The following MED24 variants were observed in gnomAD, a reference collection of about 807,000 sequenced individuals.
MED24 encodes the protein mediator of RNA polymerase II transcription subunit 24.
A neutral mutation model predicts 118.8 loss-of-function variants in MED24; 74 were observed. The observed-to-expected ratio is 0.62, with a 90% CI of 0.52 to 0.76. The LOEUF (loss-of-function observed/expected upper bound fraction) is 0.76. Ranked by LOEUF, MED24 falls within the 30% of genes least tolerant of loss-of-function variation. The pLI, the probability that MED24 is intolerant of heterozygous loss-of-function variation, is 0.00. For synonymous variants in MED24, 521 were observed against 523.9 expected, an observed-to-expected ratio of 0.99 and a Z score of 0.08; for missense variants, 1,041 against 1,278.9, an observed-to-expected ratio of 0.81 and a Z score of 2.84.
At chr17:40,027,971 A>G in intron 14 of MED24, 25 bp from the exon 15 acceptor site, 7 of 1,613,382 alleles carry the variant, frequency 4.3e-6, no homozygotes, top group South Asian at 1.1e-5. Context: ...GACAGGCTGC[A>G]TTGACCAGGG....
intron 3 of MED24, among the ~76,000 whole-genome samples, chr17:40,037,188 G>T (rs1984035753): frequency 6.7e-6 from 1 of 149,156 alleles, no homozygotes; most frequent in Non-Finnish European, 1.5e-5. Flanking sequence ...CAAAAGAAAA[G>T]AAAGGGAGGG....
intron 3 of MED24, among the ~76,000 whole-genome samples, chr17:40,046,675 G>A (rs1213302173): frequency 6.6e-6 from 1 of 151,120 alleles, no homozygotes; most frequent in Non-Finnish European, 1.5e-5. Context: ...GAACCCGGGA[G>A]GCGGAGCTTG....
rs748609741 is a variant in MED24, at chr17:40,023,087, G to A, written c.2250+44C>T. 6 of 1,578,738 alleles carry A rather than the reference G, an allele frequency of 3.8e-6. No homozygotes were observed. In the South Asian group the frequency reaches 4.7e-5, roughly 12 times the overall value. On this transcript the variant is annotated intron_variant, in intron 20 of 25. Transcript: ENST00000394128. ...GACCAGGCCAGGTGTGGGGAGCCAG[G>A]GGACAGGACCCATGTCGGCCCACAG...
intron 3 of MED24, among the ~76,000 whole-genome samples, chr17:40,050,868 G>A (rs1028913129): frequency 6.6e-6 from 1 of 152,208 alleles, no homozygotes; most frequent in South Asian, 2.1e-4. Flanking sequence ...TGGGCGTGGT[G>A]GCTCACGCCT....
intron 5 of MED24, 81 bp downstream of exon 5, chr17:40,035,641 G>T: frequency 6.7e-7 from 1 of 1,485,060 alleles, no homozygotes; most frequent in Non-Finnish European, 9.3e-7. Flanking sequence ...GTTGGTCTCG[G>T]TCTGTGTGCT....
chr17:40,023,421 G>A, intron 19 of MED24, 26 bp from the exon 20 acceptor site: 1 of 1,559,006 alleles, frequency 6.4e-7, no homozygotes, highest in Non-Finnish European at 8.7e-7. Context: ...GAGAACCTGA[G>A]GCTCAGGTGC....
chr17:40,033,134 G>T lies in MED24; in HGVS notation c.744C>A (p.Ile248=). 1 of 1,614,144 alleles carries T rather than the reference G, an allele frequency of 6.2e-7. No individual in the cohort carries two copies. The highest frequency in any genetic ancestry group is 8.5e-7 in the Non-Finnish European group (1 of 1,180,032). ...TCAGGTTCATGGTGCCCTCGAGCAG[G>T]ATCACGGCGTGGACAGTGGGGAAGC... ...KTGFPTVHAV[I]LLEGTMNLTG... is the part of the protein sequence containing the mutation. The change falls in exon 8 of 26, where the codon ATC becomes ATA. Residue 248 remains isoleucine (I), a synonymous_variant. Transcript: ENST00000394128. The surrounding 1 kb of genome is among the most constrained non-coding windows in gnomAD (Gnocchi z 5.2).
intron 19 of MED24, among the ~76,000 whole-genome samples, chr17:40,024,650 A>G (rs115112200): frequency 0.015 from 2,258 of 152,354 alleles, 66 homozygotes; most frequent in African/African-American, 0.052. Flanking sequence ...ACTATTCACT[A>G]TAGCCCAAAG....
In MED24 at chr17:40,035,224, G is replaced by A. The variant is rs1568167064; in HGVS notation, c.452C>T (p.Pro151Leu). ...GGCAAGCTGCTTCTCCCCAGCGGCT[G>A]GAGTGCCGGCCTCCAGCCCCTCCCG... ...RLREGLEAGT[P>L]AAGEKQLAMC... is the part of the protein sequence containing the mutation. Residue 151 changes from proline (P) to leucine (L), a missense_variant, in exon 6 of 26, where the codon CCA becomes CTA. This residue lies in a region of MED24 where 434 missense variants were observed against 514.9 expected (regional missense o/e 0.84). Transcript: ENST00000394128. 2 of 1,614,030 alleles carry A rather than the reference G, an allele frequency of 1.2e-6. No homozygotes were observed. Among genetic ancestry groups the A allele is most frequent in the Non-Finnish European group, 1.7e-6 (2 of 1,179,992 alleles).
chr17:40,037,767 C>T (rs765655406), intron 3 of MED24, among the ~76,000 whole-genome samples: 26 of 151,886 alleles, frequency 1.7e-4, no homozygotes, highest in Middle Eastern at 3.4e-3. Flanking sequence ...AAAAATTAGC[C>T]GGGCATGGTG....
In MED24 at chr17:40,036,034, C is replaced by T. The variant is rs1055079749; in HGVS notation, c.252+82G>A. The T allele has an allele frequency of 1.4e-5, 21 of 1,457,454 alleles. No homozygotes were observed. In the Admixed American group the frequency reaches 1.7e-4, roughly 12 times the overall value. 90.3% of individuals were successfully genotyped at this position (1,457,454 alleles called of 1,614,324 possible). A position where few individuals can be genotyped will look rare whatever the true frequency, so the allele number is the denominator to read the frequency against. On this transcript the variant is annotated intron_variant, in intron 4 of 25. Transcript: ENST00000394128. ...ATCATGTGCTGCCTATCCAGCCTCACGGGTCACAGCATCAGGGCCGTCAAG... is the reference window on the plus strand; with the variant it reads ...ATCATGTGCTGCCTATCCAGCCTCATGGGTCACAGCATCAGGGCCGTCAAG...
chr17:40,044,878 CAAA>C (rs5820328), intron 3 of MED24, among the ~76,000 whole-genome samples: 6 of 113,726 alleles, frequency 5.3e-5, no homozygotes, highest in Non-Finnish European at 5.5e-5. Context: ...GACTCCATCT[CAAA>C]AAAAAAAAAA....
chr17:40,042,382 A>G (rs1299018833), intron 3 of MED24, among the ~76,000 whole-genome samples: 1 of 152,194 alleles, frequency 6.6e-6, no homozygotes, highest in Non-Finnish European at 1.5e-5. Flanking sequence ...TGGTGCAACA[A>G]AAGAGAAAGA....
chr17:40,020,730 C>T (rs1177700835), intron 23 of MED24: 20 of 345,740 alleles, frequency 5.8e-5, no homozygotes, highest in Admixed American at 3.2e-4. Flanking sequence ...TGCAGTGAGC[C>T]GAGATGGTGC....
At position 40,022,074 on chromosome 17, in the gene MED24, C is replaced by T. The variant is rs1982083801; in HGVS notation, c.2524-20G>A. 6.5e-7 allele frequency: 1 copy of T among 1,539,938 alleles called. No individual in the cohort carries two copies. Among genetic ancestry groups the T allele is most frequent in the African/African-American group, 1.4e-5 (1 of 72,754 alleles). The stretch of plus-strand genomic sequence containing the variant: ...ATAATCCTAGAGGGAGTGAAAGTCA[C>T]TGTTATACACCCCTAAACCCCCCAG... On this transcript the variant is annotated intron_variant, in intron 22 of 25. Transcript: ENST00000394128.
intron 3 of MED24, among the ~76,000 whole-genome samples, chr17:40,043,893 A>AAAAAAAAAAAAAAAAAC (rs1984842146): frequency 6.6e-6 from 1 of 150,498 alleles, no homozygotes; most frequent in South Asian, 2.1e-4. Context: ...TCCATCTCAA[A>AAAAAAAAAAAAAAAAAC]AAAAAAAAAA....
chr17:40,050,622 A>T (rs1056373898), intron 3 of MED24, among the ~76,000 whole-genome samples: 2 of 151,390 alleles, frequency 1.3e-5, no homozygotes, highest in African/African-American at 4.9e-5. Context: ...CTCAGTAAAT[A>T]AAAAAAAAGT....
Position 40,033,500 on chromosome 17 carries a change from G to A in MED24, c.560-44C>T, listed in dbSNP as rs1186906389. ...TACAGAAACATGATGGGAAACAGGA[G>A]AGAAGGAGCACCTGGCCCTGAACTC... On this transcript the variant is annotated intron_variant, in intron 6 of 25. Transcript: ENST00000394128. The surrounding 1 kb of genome is among the most constrained non-coding windows in gnomAD (Gnocchi z 5.2). 2 of 1,496,856 alleles carry A rather than the reference G, an allele frequency of 1.3e-6. No individual in the cohort carries two copies. Among genetic ancestry groups the A allele is most frequent in the Non-Finnish European group, 1.8e-6 (2 of 1,098,298 alleles). The allele number at this position is 1,496,856 out of a possible 1,614,324, so 92.7% of individuals were successfully genotyped here. A position where few individuals can be genotyped will look rare whatever the true frequency, so the allele number is the denominator to read the frequency against.
At chr17:40,034,852 C>CGGGGGGGGGGGGGGGGGGGGGG in intron 6 of MED24, 3 of 386,866 alleles carry the variant, frequency 7.8e-6, no homozygotes, top group East Asian at 5.3e-5. Context: ...CCTTTGGTAG[C>CGGGGGGGGGGGGGGGGGGGGGG]CCCCCACCCC....
Sources: allele counts gnomAD v4.1 joint callset (sites outside exome capture counted in the v4.1 genomes callset), GRCh38; gene constraint gnomAD v4.1.1; regional missense constraint gnomAD v4.1.1; non-coding constraint Gnocchi (gnomAD v3.1); transcripts MANE v1.5; gene names NCBI Gene and HGNC (gene_info 2026-07-23, HGNC 2026-07-21).